REEP1: variants seen among roughly 807,000 people sequenced by gnomAD.
REEP1 encodes the protein receptor accessory protein 1.
A neutral mutation model predicts 40.3 loss-of-function variants in REEP1; 22 were observed. The observed-to-expected ratio is 0.55, with a 90% CI of 0.39 to 0.78. The LOEUF is 0.78. Among genes scored for constraint, REEP1 ranks in the 30% least tolerant of loss-of-function variants. REEP1 has a pLI of 0.00. For missense variants in REEP1, 280 were observed against 361.1 expected (o/e 0.78, Z 1.82); for synonymous variants, 116 against 139.2 (o/e 0.83, Z 1.17).
At chr2:86,269,212 G>C in intron 2 of REEP1, among the ~76,000 whole-genome samples, 1 of 152,142 alleles carries the variant, frequency 6.6e-6, no homozygotes, top group East Asian at 1.9e-4. Flanking sequence ...AGCTCAGCTT[G>C]TTAGAACACT....
chr2:86,308,800 T>C (rs1424176044), intron 1 of REEP1, among the ~76,000 whole-genome samples: 1 of 152,108 alleles, frequency 6.6e-6, no homozygotes, highest in East Asian at 1.9e-4. Context: ...GTAACAGAAA[T>C]GGACTCAAAC....
intron 8 of REEP1, among the ~76,000 whole-genome samples, chr2:86,219,668 A>G (rs1220802510): frequency 6.6e-6 from 1 of 151,734 alleles, no homozygotes; most frequent in African/African-American, 2.4e-5. Flanking sequence ...CTGGTCTCGA[A>G]CTCCTGACCT....
intron 1 of REEP1, among the ~76,000 whole-genome samples, chr2:86,301,184 C>T (rs960153905): frequency 3.3e-5 from 5 of 152,228 alleles, no homozygotes; most frequent in Admixed American, 1.3e-4. Context: ...CTTTGAAGCT[C>T]CTTGGAGCGG....
At chr2:86,313,221 C>T (rs956226299) in intron 1 of REEP1, among the ~76,000 whole-genome samples, 1 of 151,986 alleles carries the variant, frequency 6.6e-6, no homozygotes, top group Non-Finnish European at 1.5e-5. Context: ...GTGATCCTCC[C>T]GCCTCAGGCT....
chr2:86,335,433 C>T (rs1028206735), intron 1 of REEP1, among the ~76,000 whole-genome samples: 1 of 152,124 alleles, frequency 6.6e-6, no homozygotes, highest in African/African-American at 2.4e-5. Flanking sequence ...TAATGCTGTT[C>T]ATTTAAATTC....
intron 1 of REEP1, among the ~76,000 whole-genome samples, chr2:86,322,218 C>T (rs1680298955): frequency 6.6e-6 from 1 of 151,972 alleles, no homozygotes; most frequent in Admixed American, 6.6e-5. Context: ...AAGGTAGATA[C>T]CATATACATG....
At chr2:86,268,824 C>T (rs1419763764) in intron 2 of REEP1, among the ~76,000 whole-genome samples, 1 of 152,090 alleles carries the variant, frequency 6.6e-6, no homozygotes, top group Non-Finnish European at 1.5e-5. Flanking sequence ...TAGACCCACG[C>T]AAGTATAGTG....
intron 1 of REEP1, among the ~76,000 whole-genome samples, chr2:86,329,646 C>T (rs1680673955): frequency 6.6e-6 from 1 of 152,114 alleles, no homozygotes; most frequent in Admixed American, 6.5e-5. Flanking sequence ...CTGACTCAGC[C>T]CTTCTCAGGC....
At chr2:86,322,043 G>T (rs1273253400) in intron 1 of REEP1, among the ~76,000 whole-genome samples, 1 of 152,202 alleles carries the variant, frequency 6.6e-6, no homozygotes, top group African/African-American at 2.4e-5. Context: ...AAGCAAGGTT[G>T]TATTCTTCCA....
At chr2:86,335,535 C>T (rs1053904852) in intron 1 of REEP1, among the ~76,000 whole-genome samples, 1 of 152,136 alleles carries the variant, frequency 6.6e-6, no homozygotes. Context: ...TCCTCTCCAC[C>T]CCCATCAGTT....
chr2:86,235,332 AC>A lies in REEP1; in HGVS notation c.418-2531del, dbSNP rs1479479044. ...AGCTGAGTGATCTTAACCTCTCTCC[AC>A]CTCAAGACCTTCATTTGCAGAAGAG... On this transcript the variant is annotated intron_variant, in intron 5 of 8. Transcript: ENST00000538924. Among the ~76,000 whole-genome samples, 4 of 152,260 alleles carry A rather than the reference AC, an allele frequency of 2.6e-5. No homozygotes were observed. In the East Asian group the frequency reaches 7.7e-4, roughly 29 times the overall value.
intron 2 of REEP1, 79 bp from the exon 3 acceptor site, chr2:86,264,120 G>T: frequency 9.0e-7 from 1 of 1,113,982 alleles, no homozygotes. Flanking sequence ...AACAGGCCCC[G>T]GCGGCAGATA....
chr2:86,223,383 ACCTCCC>A (rs1272226347), intron 7 of REEP1: 1 of 152,082 alleles, frequency 6.6e-6, no homozygotes, highest in Non-Finnish European at 1.5e-5. Context: ...GTGCAGCAGA[ACCTCCC>A]CCAGGTTAGC....
In REEP1 at chr2:86,214,231, T is replaced by C. The variant is rs1334657500; in HGVS notation, c.*2808A>G. 6.5e-6 allele frequency: 1 copy of C among 152,852 alleles called. No individual in the cohort carries two copies. The highest frequency in any genetic ancestry group is 1.5e-5 in the Non-Finnish European group (1 of 68,162). 9.5% of individuals were successfully genotyped at this position (152,852 alleles called of 1,614,324 possible). A position where few individuals can be genotyped will look rare whatever the true frequency, so the allele number is the denominator to read the frequency against. On this transcript the variant is annotated 3_prime_UTR_variant, in exon 9 of 9. Coordinates refer to ENST00000538924, the MANE Select transcript of REEP1 (RefSeq NM_001371279.1). Reference sequence around the variant, plus strand: ...GTACACTGTTAGAGGATGAAGCACATCCTTTGCCATTTCAAATACTGTGCC... The same window carrying C: ...GTACACTGTTAGAGGATGAAGCACACCCTTTGCCATTTCAAATACTGTGCC...
Position 86,220,036 on chromosome 2 carries a change from CTCG to C in REEP1, c.714_716del (p.Asp238del). The stretch of plus-strand genomic sequence containing the variant: ...ACATGAAATCCAGCAGGTCTTCCTC[CTCG>C]TCGTCAGAAAACGCCAATGGGTTTT... On this transcript the variant is annotated inframe_deletion, in exon 8 of 9. Transcript: ENST00000538924. The C allele has an allele frequency of 8.1e-7, 1 of 1,232,202 alleles. No homozygotes were observed. Among genetic ancestry groups the C allele is most frequent in the Non-Finnish European group, 1.0e-6 (1 of 987,998 alleles). 76.3% of individuals were successfully genotyped at this position (1,232,202 alleles called of 1,614,324 possible).
At chr2:86,261,350 A>C (rs1318284260) in intron 3 of REEP1, among the ~76,000 whole-genome samples, 1 of 152,230 alleles carries the variant, frequency 6.6e-6, no homozygotes, top group Non-Finnish European at 1.5e-5. Context: ...TGTAGAAAGA[A>C]GTAGACATAG....
chr2:86,318,181 G>GC (rs1680111652), intron 1 of REEP1, among the ~76,000 whole-genome samples: 1 of 151,942 alleles, frequency 6.6e-6, no homozygotes, highest in Non-Finnish European at 1.5e-5. Context: ...GCATCTATTT[G>GC]GTGAACCAAG....
intron 7 of REEP1, among the ~76,000 whole-genome samples, chr2:86,223,936 C>T (rs1051673266): frequency 1.6e-4 from 24 of 151,498 alleles, no homozygotes; most frequent in African/African-American, 5.3e-4. Context: ...TAATAATAGA[C>T]ACACAGAAAA....
At chr2:86,335,578 T>C (rs1680979607) in intron 1 of REEP1, among the ~76,000 whole-genome samples, 1 of 152,014 alleles carries the variant, frequency 6.6e-6, no homozygotes, top group South Asian at 2.1e-4. Context: ...GAGCCGGGCG[T>C]GGTAGCTCAC....
Sources: gnomAD v4.1 joint callset for allele counts (sites outside exome capture counted in the v4.1 genomes callset) on GRCh38, gnomAD v4.1.1 for gene constraint, MANE v1.5 for transcripts, NCBI Gene and HGNC (gene_info 2026-07-23, HGNC 2026-07-21) for gene names.